Variants in ZNF385D observed in about 807,000 individuals in gnomAD.
ZNF385D encodes the protein zinc finger protein 659.
ZNF385D carries 15 observed loss-of-function variants against 35.8 expected under a neutral mutation model. The ratio of observed to expected loss-of-function variants is 0.42; its 90% CI spans 0.28 to 0.64. The LOEUF is 0.64. ZNF385D is among the 30% of genes least tolerant of loss of function. ZNF385D has a pLI of 0.23. For missense variants in ZNF385D, 474 were observed against 494.6 expected (o/e 0.96, Z 0.39); for synonymous variants, 212 against 186.8 (o/e 1.13, Z -1.10).
At chr3:22,140,958 A>G (rs1282768102) in intron 3 of ZNF385D, among the ~76,000 whole-genome samples, 3 of 152,210 alleles carry the variant, frequency 2.0e-5, no homozygotes, top group Non-Finnish European at 4.4e-5. Flanking sequence ...AGAATAAGGT[A>G]CACTGAAGCT....
At chr3:22,338,058 A>T (rs1236704552) in intron 2 of ZNF385D, among the ~76,000 whole-genome samples, 3 of 152,204 alleles carry the variant, frequency 2.0e-5, no homozygotes, top group Non-Finnish European at 4.4e-5. Flanking sequence ...AGCTTATAAC[A>T]TATGCTGAAA....
chr3:21,985,925 T>C (rs968418444), intron 3 of ZNF385D, among the ~76,000 whole-genome samples: 8 of 131,304 alleles, frequency 6.1e-5, no homozygotes, highest in African/African-American at 2.6e-4. Context: ...AATGTATCCG[T>C]TTCTTCTAGA....
chr3:22,211,631 AAG>A (rs1460975872), intron 2 of ZNF385D, among the ~76,000 whole-genome samples: 4 of 152,026 alleles, frequency 2.6e-5, no homozygotes, highest in African/African-American at 7.2e-5. Context: ...GAAAGAAAGA[AAG>A]AGTGCTGCCT....
chr3:22,126,112 G>T (rs188716771), intron 3 of ZNF385D, among the ~76,000 whole-genome samples: 1 of 151,944 alleles, frequency 6.6e-6, no homozygotes, highest in Non-Finnish European at 1.5e-5. Flanking sequence ...TTGAGGGATT[G>T]TATCATGAAG....
At chr3:21,559,902 A>G (rs1212639525) in intron 3 of ZNF385D, among the ~76,000 whole-genome samples, 1 of 151,448 alleles carries the variant, frequency 6.6e-6, no homozygotes, top group Non-Finnish European at 1.5e-5. Flanking sequence ...CGCTGTATTT[A>G]AGTTGATCTT....
intron 3 of ZNF385D, among the ~76,000 whole-genome samples, chr3:22,045,144 T>C (rs189455368): frequency 5.8e-4 from 89 of 152,168 alleles, no homozygotes; most frequent in African/African-American, 2.1e-3. Context: ...TTGTTCCCTG[T>C]GCCTTTTGGG....
chr3:22,187,931 C>A (rs1695749046), intron 2 of ZNF385D, among the ~76,000 whole-genome samples: 1 of 152,266 alleles, frequency 6.6e-6, no homozygotes, highest in Admixed American at 6.5e-5. Flanking sequence ...CCACACTCTA[C>A]TCTCCAGAAC....
At chr3:22,119,765 T>C (rs571318624) in intron 3 of ZNF385D, among the ~76,000 whole-genome samples, 122 of 152,274 alleles carry the variant, frequency 8.0e-4, no homozygotes, top group African/African-American at 2.8e-3. Context: ...ATTTCTCTGC[T>C]GAACTGTTTT....
intron 3 of ZNF385D, among the ~76,000 whole-genome samples, chr3:22,026,098 T>G (rs74396471): frequency 1.3e-5 from 2 of 152,094 alleles, no homozygotes; most frequent in Admixed American, 6.6e-5. Context: ...GAGGTTGACA[T>G]TGATAGGAAG....
chr3:21,584,907 CT>C (rs1180152721), intron 2 of ZNF385D, among the ~76,000 whole-genome samples: 5 of 152,138 alleles, frequency 3.3e-5, no homozygotes, highest in Admixed American at 2.6e-4. Flanking sequence ...ATATTTAAAG[CT>C]TTCATCTATT....
intron 3 of ZNF385D, among the ~76,000 whole-genome samples, chr3:21,838,839 T>C (rs1277463777): frequency 6.6e-6 from 1 of 152,094 alleles, no homozygotes; most frequent in Non-Finnish European, 1.5e-5. Context: ...TCAGAGATGT[T>C]AAAGTGTGAG....
chr3:22,050,392 C>T (rs910355097), intron 3 of ZNF385D, among the ~76,000 whole-genome samples: 6 of 151,978 alleles, frequency 3.9e-5, no homozygotes, highest in African/African-American at 1.2e-4. Flanking sequence ...ACAAAAAAAC[C>T]ACCACCACAA....
chr3:22,022,567 A>G (rs993221034), intron 3 of ZNF385D, among the ~76,000 whole-genome samples: 2 of 152,178 alleles, frequency 1.3e-5, no homozygotes, highest in African/African-American at 2.4e-5. Context: ...ATGATTTATC[A>G]TAAATTCCTG....
At chr3:21,447,832 G>A (rs1207796999) in intron 4 of ZNF385D, among the ~76,000 whole-genome samples, 5 of 152,132 alleles carry the variant, frequency 3.3e-5, no homozygotes, top group Admixed American at 3.3e-4. Flanking sequence ...CTGTTAGGCA[G>A]CACATACCAT....
intron 3 of ZNF385D, among the ~76,000 whole-genome samples, chr3:22,118,506 G>A: frequency 6.6e-6 from 1 of 152,036 alleles, no homozygotes; most frequent in East Asian, 1.9e-4. Context: ...TCCAAAGGGT[G>A]TTGCCTAGAT....
upstream of ZNF385D, among the ~76,000 whole-genome samples, chr3:21,752,505 A>G (rs770802868): frequency 9.2e-5 from 14 of 152,192 alleles, no homozygotes; most frequent in Non-Finnish European, 1.8e-4. Context: ...TAGGGGGCTG[A>G]AGCTCATAAT....
rs184729043 is a variant in ZNF385D at position 22,327,188 on chromosome 3, T to C, written c.106+45262A>G. Among the ~76,000 whole-genome samples, 340 of 152,208 alleles carry C rather than the reference T, an allele frequency of 2.2e-3. 7 individuals carry two copies. The South Asian group carries it at 0.032, about 15-fold the overall frequency. ...ACCCTTACTAATTTGCAATAATAAT[T>C]GAGGATGGGCCATAAAAATCCATTC... On this transcript the variant is annotated intron_variant, in intron 2 of 5. Coordinates refer to the ZNF385D transcript ENST00000494108.
At chr3:21,683,598 G>C (rs1221555878) in intron 1 of ZNF385D, among the ~76,000 whole-genome samples, 1 of 149,266 alleles carries the variant, frequency 6.7e-6, no homozygotes, top group African/African-American at 2.5e-5. Flanking sequence ...GCCTGGGTGA[G>C]AGAGTGAGAC....
At chr3:21,641,676 A>G (rs1305817466) in intron 2 of ZNF385D, among the ~76,000 whole-genome samples, 2 of 124,924 alleles carry the variant, frequency 1.6e-5, no homozygotes, top group African/African-American at 6.2e-5. Context: ...GGGTTTTGCC[A>G]TGTTGCCCAG....
Sources: gnomAD v4.1 joint callset for allele counts (sites outside exome capture counted in the v4.1 genomes callset) on GRCh38, gnomAD v4.1.1 for gene constraint, MANE v1.5 for transcripts, NCBI Gene and HGNC (gene_info 2026-07-23, HGNC 2026-07-21) for gene names.